ATXN10: variants seen among roughly 807,000 people sequenced by gnomAD.
The protein encoded by ATXN10 is ataxin-10.
In ATXN10, 28 loss-of-function variants were observed where a neutral mutation model predicts 52.9. That is an observed-to-expected ratio of 0.53 (90% CI 0.39 to 0.73). ATXN10 has a LOEUF of 0.73. Ranked by LOEUF, ATXN10 falls within the 30% of genes least tolerant of loss-of-function variation. The pLI is 0.00. For synonymous variants in ATXN10, 226 were observed against 221.5 expected (o/e 1.02, Z -0.18); for missense variants, 565 against 577.0 (o/e 0.98, Z 0.21).
chr22:45,785,858 C>T (rs1045866461), intron 9 of ATXN10, among the ~76,000 whole-genome samples: 3 of 152,172 alleles, frequency 2.0e-5, no homozygotes, highest in Non-Finnish European at 4.4e-5. Context: ...CTGGACCAAA[C>T]GTGGGAAGAT....
chr22:45,833,499 G>C lies in ATXN10; in HGVS notation c.1238-9492G>C, dbSNP rs1929060080. On this transcript the variant is annotated intron_variant, in intron 10 of 11. Coordinates refer to ENST00000252934, the MANE Select transcript of ATXN10 (RefSeq NM_013236.4). This position sits in a 1 kb window ranked among gnomAD's most constrained non-coding sequence, Gnocchi z 4.3. Reference sequence around the variant, plus strand: ...TAACTTAGAACTATTTTTGATCCTTGGCTGTACTTCATTAATTTTGAAATA... The same window carrying C: ...TAACTTAGAACTATTTTTGATCCTTCGCTGTACTTCATTAATTTTGAAATA... Among the ~76,000 whole-genome samples, 2 of 152,198 alleles carry C rather than the reference G, an allele frequency of 1.3e-5. No individual in the cohort carries two copies. The highest frequency in any genetic ancestry group is 4.1e-4 in the South Asian group (2 of 4,824).
intron 9 of ATXN10, among the ~76,000 whole-genome samples, chr22:45,748,185 A>T (rs1569047964): frequency 1.3e-5 from 2 of 152,150 alleles, no homozygotes; most frequent in Non-Finnish European, 2.9e-5. Context: ...TCTTTAAAAA[A>T]AAAAAAAAGT....
chr22:45,788,272 C>T lies in ATXN10; in HGVS notation c.1174-18687C>T, dbSNP rs544356359. On this transcript the variant is annotated intron_variant, in intron 9 of 11. Coordinates refer to ENST00000252934, the MANE Select transcript of ATXN10 (RefSeq NM_013236.4). The stretch of plus-strand genomic sequence containing the variant: ...AGGTGTCTCGTCTCTAAGTGCCTCC[C>T]GCGAAATATGCCCAAACTGTGCCCT... Among the ~76,000 whole-genome samples, 11 of 152,120 alleles carry T rather than the reference C, an allele frequency of 7.2e-5. 1 individual carries two copies. In the South Asian group the frequency reaches 2.3e-3, roughly 32 times the overall value.
chr22:45,774,483 G>A lies in ATXN10; in HGVS notation c.1174-32476G>A, dbSNP rs1926883716. Among the ~76,000 whole-genome samples, 1 of 152,218 alleles carries A rather than the reference G, an allele frequency of 6.6e-6. No homozygotes were observed. Among genetic ancestry groups the A allele is most frequent in the African/African-American group, 2.4e-5 (1 of 41,460 alleles). ...GAGGGGAACTACTACTTTGATGTAAGAGGAGATCGCTATTAGGAAATTCCA... is the reference window on the plus strand; with the variant it reads ...GAGGGGAACTACTACTTTGATGTAAAAGGAGATCGCTATTAGGAAATTCCA... On this transcript the variant is annotated intron_variant, in intron 9 of 11. Coordinates refer to ENST00000252934, the MANE Select transcript of ATXN10 (RefSeq NM_013236.4). The surrounding 1 kb of genome is among the most constrained non-coding windows in gnomAD (Gnocchi z 6.2).
At chr22:45,725,265 A>G (rs1924820878) in intron 6 of ATXN10, among the ~76,000 whole-genome samples, 1 of 152,044 alleles carries the variant, frequency 6.6e-6, no homozygotes, top group African/African-American at 2.4e-5. Flanking sequence ...TTTTAATAGT[A>G]TTGATTCTTC....
rs1927717947 is a variant in ATXN10 at position 45,795,878 on chromosome 22, G to C, written c.1174-11081G>C. 6.6e-6 allele frequency among the ~76,000 whole-genome samples: 1 copy of C among 152,088 alleles called. No individual in the cohort carries two copies. The highest frequency in any genetic ancestry group is 1.5e-5 in the Non-Finnish European group (1 of 68,024). The stretch of plus-strand genomic sequence containing the variant: ...TAAGCTGAGGATGTATGTCACCTCA[G>C]GATCCCGTGATGATCACGTTATCTG... On this transcript the variant is annotated intron_variant, in intron 9 of 11. Transcript: ENST00000252934. This position sits in a 1 kb window ranked among gnomAD's most constrained non-coding sequence, Gnocchi z 4.6.
Position 45,671,858 on chromosome 22 carries a change from C to A in ATXN10, c.-206C>A. 1 of 446,564 alleles carries A rather than the reference C, an allele frequency of 2.2e-6. No homozygotes were observed. Among genetic ancestry groups the A allele is most frequent in the Non-Finnish European group, 3.8e-6 (1 of 260,076 alleles). 27.7% of individuals were successfully genotyped at this position (446,564 alleles called of 1,614,324 possible). A position where few individuals can be genotyped will look rare whatever the true frequency, so the allele number is the denominator to read the frequency against. Reference sequence around the variant, plus strand: ...CGCCGTCTCCTCCTCCCGCCTGAGGCGAGTCTGGGCTCAGCCTAGAGCTCT... The same window carrying A: ...CGCCGTCTCCTCCTCCCGCCTGAGGAGAGTCTGGGCTCAGCCTAGAGCTCT... On this transcript the variant is annotated 5_prime_UTR_variant, in exon 1 of 12. Coordinates refer to ENST00000252934, the MANE Select transcript of ATXN10 (RefSeq NM_013236.4).
intron 10 of ATXN10, among the ~76,000 whole-genome samples, chr22:45,822,909 C>T (rs1928698740): frequency 6.6e-6 from 1 of 152,008 alleles, no homozygotes; most frequent in Non-Finnish European, 1.5e-5. Flanking sequence ...AGATTTTTTG[C>T]CCATAGTTAG....
In ATXN10 at chr22:45,757,665, T is replaced by G. The variant is rs1267920360; in HGVS notation, c.1173+17127T>G. On this transcript the variant is annotated intron_variant, in intron 9 of 11. Transcript: ENST00000252934. This position sits in a 1 kb window ranked among gnomAD's most constrained non-coding sequence, Gnocchi z 4.6. ...AATATGGATGGGATAAAATTTTTTT[T>G]ACATACACATAGGATTCAATACATT... Among the ~76,000 whole-genome samples, 1 of 152,222 alleles carries G rather than the reference T, an allele frequency of 6.6e-6. No homozygotes were observed. The highest frequency in any genetic ancestry group is 1.5e-5 in the Non-Finnish European group (1 of 68,032).
Position 45,672,117 on chromosome 22 carries a change from GC to G in ATXN10, c.57del (p.Ile20SerfsTer35). The G allele has an allele frequency of 1.3e-6, 2 of 1,540,264 alleles. No individual in the cohort carries two copies. Among genetic ancestry groups the G allele is most frequent in the Non-Finnish European group, 8.7e-7 (1 of 1,145,674 alleles). ...ARLSGVMVPAPIQDLEALRAL... is the reference protein window; with the variant it reads ...ARLSGVMVPAXIQDLEALRAL... ...GGCTGTCGGGCGTCATGGTGCCGGC[GC>G]CCATCCAAGACCTGGAGGCCCTGCG... On this transcript the variant is annotated frameshift_variant, in exon 1 of 12. Coordinates refer to ENST00000252934, the MANE Select transcript of ATXN10 (RefSeq NM_013236.4). LOFTEE classifies it high-confidence loss of function.
chr22:45,793,849 C>A, intron 9 of ATXN10: 1 of 1,287,756 alleles, frequency 7.8e-7, no homozygotes. Context: ...CAAGGGTGAG[C>A]TGGTGGTGGT....
chr22:45,676,562 C>T (rs1326148008), intron 1 of ATXN10: 1 of 151,846 alleles, frequency 6.6e-6, no homozygotes, highest in Non-Finnish European at 1.5e-5. Context: ...TCACTGCAAC[C>T]TTCGCCTCCC....
Position 45,780,505 on chromosome 22 carries a change from C to G in ATXN10, c.1174-26454C>G, listed in dbSNP as rs982178582. ...AGGCAGACCTAGGTTCAACCCTGGC[C>G]CTGCTGTGGAGTGGATGTGAACCTG... is the stretch of plus-strand genomic sequence containing the variant. On this transcript the variant is annotated intron_variant, in intron 9 of 11. Coordinates refer to ENST00000252934, the MANE Select transcript of ATXN10 (RefSeq NM_013236.4). The surrounding 1 kb of genome is among the most constrained non-coding windows in gnomAD (Gnocchi z 4.0). 6.6e-6 allele frequency among the ~76,000 whole-genome samples: 1 copy of G among 152,094 alleles called. No individual in the cohort carries two copies. The highest frequency in any genetic ancestry group is 2.4e-5 in the African/African-American group (1 of 41,412).
At chr22:45,745,567 A>C (rs985519066) in intron 9 of ATXN10, among the ~76,000 whole-genome samples, 4 of 152,244 alleles carry the variant, frequency 2.6e-5, no homozygotes. Context: ...TACTGTATGA[A>C]AAAGTTCAAC....
intron 9 of ATXN10, among the ~76,000 whole-genome samples, chr22:45,755,661 G>A (rs1926147973): frequency 6.6e-6 from 1 of 152,048 alleles, no homozygotes; most frequent in South Asian, 2.1e-4. Context: ...TCTATAGATT[G>A]GAAAAATAAA....
At chr22:45,694,337 A>T (rs1923503489) in intron 3 of ATXN10, among the ~76,000 whole-genome samples, 1 of 152,128 alleles carries the variant, frequency 6.6e-6, no homozygotes, top group African/African-American at 2.4e-5. Flanking sequence ...TTATGGGTAA[A>T]CCTAAATTAT....
At chr22:45,834,610 G>A (rs1929104654) in intron 10 of ATXN10, among the ~76,000 whole-genome samples, 1 of 152,170 alleles carries the variant, frequency 6.6e-6, no homozygotes. Flanking sequence ...CTCCCTTTCA[G>A]CCCAGATCTG....
Position 45,807,009 on chromosome 22 carries a change from T to A in ATXN10, c.1224T>A (p.Ser408Arg), listed in dbSNP as rs780500133. 6.2e-7 allele frequency: 1 copy of A among 1,613,932 alleles called. No individual in the cohort carries two copies. ...IPLILDNCNI[S>R]DSNPFLTQWV... ...TGATCCTGGACAACTGCAACATCAG[T>A]GACAGTAACCCCTGTATCCTTGCAT... is the stretch of plus-strand genomic sequence containing the variant. Residue 408 changes from serine (S) to arginine (R), a missense_variant, in exon 10 of 12, where the codon AGT (serine) becomes AGA (arginine). By Grantham distance (110) the Ser-to-Arg change is moderately radical. Transcript: ENST00000252934.
At chr22:45,813,508 C>A (rs1028827790) in intron 10 of ATXN10, among the ~76,000 whole-genome samples, 10 of 142,252 alleles carry the variant, frequency 7.0e-5, no homozygotes, top group Admixed American at 6.5e-4. Flanking sequence ...AAATTCACTT[C>A]TGTACAGAAA....
Sources: gnomAD v4.1 joint callset for allele counts (sites outside exome capture counted in the v4.1 genomes callset) on GRCh38, gnomAD v4.1.1 for gene constraint, Gnocchi (gnomAD v3.1) non-coding constraint, MANE v1.5 for transcripts, NCBI Gene and HGNC (gene_info 2026-07-23, HGNC 2026-07-21) for gene names.